MDGA2: variants seen among roughly 807,000 people sequenced by gnomAD.
MDGA2 encodes MAM domain containing glycosylphosphatidylinositol anchor 2, also known as MAM domain-containing glycosylphosphatidylinositol anchor protein 2.
Under a neutral mutation model 117.8 loss-of-function variants are expected in MDGA2, and 40 were observed. The observed-to-expected ratio is 0.34, with a 90% CI of 0.26 to 0.44. The LOEUF (loss-of-function observed/expected upper bound fraction) is 0.44. MDGA2 is among the 20% of genes least tolerant of loss of function. MDGA2 has a pLI of 1.00. For missense variants in MDGA2, 1,123 were observed against 1,250.6 expected, an observed-to-expected ratio of 0.90 and a Z score of 1.54; for synonymous variants, 452 against 439.0, an observed-to-expected ratio of 1.03 and a Z score of -0.37.
At chr14:47,543,818 G>T (rs1895402163) in intron 1 of MDGA2, among the ~76,000 whole-genome samples, 1 of 152,198 alleles carries the variant, frequency 6.6e-6, no homozygotes, top group Non-Finnish European at 1.5e-5. Context: ...AAACTACAGA[G>T]CATTAGTCCA....
chr14:47,485,753 G>A (rs1277646874), intron 1 of MDGA2, among the ~76,000 whole-genome samples: 1 of 152,132 alleles, frequency 6.6e-6, no homozygotes, highest in Non-Finnish European at 1.5e-5. Context: ...TGCAGAGCTT[G>A]GGCCATGGCT....
intron 1 of MDGA2, among the ~76,000 whole-genome samples, chr14:47,386,910 A>C (rs2138429258): frequency 6.6e-6 from 1 of 152,332 alleles, no homozygotes; most frequent in Non-Finnish European, 1.5e-5. Flanking sequence ...TGAGAGTATT[A>C]ATATCTACTT....
At chr14:47,500,447 T>C (rs567274230) in intron 1 of MDGA2, among the ~76,000 whole-genome samples, 33 of 152,196 alleles carry the variant, frequency 2.2e-4, no homozygotes, top group African/African-American at 6.5e-4. Flanking sequence ...AAATCTGAAA[T>C]GAAATTTCAT....
At chr14:47,201,198 C>A in intron 3 of MDGA2, 1 of 579,610 alleles carries the variant, frequency 1.7e-6, no homozygotes, top group Non-Finnish European at 3.2e-6. Context: ...ACATTTTTCA[C>A]GTGGTTTATA....
chr14:47,180,201 T>C (rs1287653349), intron 3 of MDGA2, among the ~76,000 whole-genome samples: 1 of 152,148 alleles, frequency 6.6e-6, no homozygotes, highest in Non-Finnish European at 1.5e-5. Flanking sequence ...TGGCCTCTGT[T>C]AGGCCCCAAT....
At chr14:46,887,089 C>A (rs1882705070) in intron 10 of MDGA2, among the ~76,000 whole-genome samples, 1 of 152,060 alleles carries the variant, frequency 6.6e-6, no homozygotes, top group Non-Finnish European at 1.5e-5. Flanking sequence ...TCCTGCTAAA[C>A]CACCTCATTA....
chr14:47,065,742 A>ATT (rs2138809900), intron 6 of MDGA2, among the ~76,000 whole-genome samples: 1 of 152,340 alleles, frequency 6.6e-6, no homozygotes, highest in South Asian at 2.1e-4. Context: ...CTTTGGAGAT[A>ATT]ATAAATATGA....
chr14:46,886,580 A>G (rs1882685245), intron 10 of MDGA2, among the ~76,000 whole-genome samples: 1 of 151,846 alleles, frequency 6.6e-6, no homozygotes, highest in South Asian at 2.1e-4. Context: ...AAGGACTTCA[A>G]CTCTACCAGG....
chr14:47,274,245 A>C (rs1029667986), intron 2 of MDGA2, among the ~76,000 whole-genome samples: 1 of 151,794 alleles, frequency 6.6e-6, no homozygotes, highest in African/African-American at 2.4e-5. Flanking sequence ...TCTTTCCCCA[A>C]CCCCACCAGC....
At chr14:47,107,762 A>G (rs189977667) in intron 5 of MDGA2, among the ~76,000 whole-genome samples, 3,997 of 150,860 alleles carry the variant, frequency 0.026, 161 homozygotes, top group African/African-American at 0.093. Context: ...AGCCAGGACC[A>G]CACCCTGTAG....
intron 1 of MDGA2, among the ~76,000 whole-genome samples, chr14:47,664,359 T>C (rs895945652): frequency 2.0e-5 from 3 of 152,240 alleles, no homozygotes; most frequent in African/African-American, 4.8e-5. Flanking sequence ...AGTCCTATTA[T>C]GAGGTTCAAC....
intron 1 of MDGA2, among the ~76,000 whole-genome samples, chr14:47,496,874 T>C (rs976252471): frequency 6.6e-6 from 1 of 152,008 alleles, no homozygotes; most frequent in Non-Finnish European, 1.5e-5. Flanking sequence ...CAGTTTTCCA[T>C]GGACTGGTGT....
intron 1 of MDGA2, chr14:47,343,081 G>C (rs1183890532): frequency 7.8e-7 from 1 of 1,274,980 alleles, no homozygotes. Context: ...ATTCATACTT[G>C]AACATGGAAG....
rs542516424 is a variant in MDGA2 at position 46,880,540 on chromosome 14, A to C, written c.2416+1504T>G. ...ATATCTAGGCTGAGTGCAGTGGCTCATGCCTGTAATCTAGCACTTTGGGAG... is the reference window on the plus strand; with the variant it reads ...ATATCTAGGCTGAGTGCAGTGGCTCCTGCCTGTAATCTAGCACTTTGGGAG... On this transcript the variant is annotated intron_variant, in intron 11 of 16. Transcript: ENST00000399232. 5.9e-5 allele frequency among the ~76,000 whole-genome samples: 9 copies of C among 151,868 alleles called. No individual in the cohort carries two copies. In the South Asian group the frequency reaches 1.7e-3, roughly 28 times the overall value.
intron 5 of MDGA2, among the ~76,000 whole-genome samples, chr14:47,105,613 C>A (rs1880614154): frequency 6.6e-6 from 1 of 151,936 alleles, no homozygotes; most frequent in Non-Finnish European, 1.5e-5. Flanking sequence ...TTGAATTTTT[C>A]CATCCTGCAA....
intron 3 of MDGA2, among the ~76,000 whole-genome samples, chr14:47,180,899 C>T (rs542424263): frequency 5.3e-5 from 8 of 152,078 alleles, no homozygotes; most frequent in African/African-American, 1.2e-4. Context: ...CCAGCTTGGG[C>T]GACAGAGCGA....
intron 3 of MDGA2, among the ~76,000 whole-genome samples, chr14:47,183,063 G>A (rs984774537): frequency 3.3e-5 from 5 of 152,032 alleles, no homozygotes; most frequent in African/African-American, 4.8e-5. Flanking sequence ...CATACATTTG[G>A]TTGTTTTCTG....
intron 2 of MDGA2, among the ~76,000 whole-genome samples, chr14:47,237,806 C>T (rs1484285630): frequency 1.3e-5 from 2 of 151,982 alleles, no homozygotes; most frequent in South Asian, 2.1e-4. Flanking sequence ...ATCTGCTTGC[C>T]CAAGTCACCA....
At chr14:47,654,619 G>T (rs889242881) in intron 1 of MDGA2, among the ~76,000 whole-genome samples, 2 of 152,096 alleles carry the variant, frequency 1.3e-5, no homozygotes, top group African/African-American at 4.8e-5. Flanking sequence ...GGAACATAAA[G>T]TTGAATAACT....
Sources: gnomAD v4.1 joint callset for allele counts (sites outside exome capture counted in the v4.1 genomes callset) on GRCh38, gnomAD v4.1.1 for gene constraint, MANE v1.5 for transcripts, NCBI Gene and HGNC (gene_info 2026-07-23, HGNC 2026-07-21) for gene names.